The following UTS2R variants were observed in gnomAD, a reference collection of about 807,000 sequenced individuals.
The protein encoded by UTS2R is urotensin 2 receptor.
For missense variants in UTS2R, 653 were observed against 562.2 expected (o/e 1.16, Z -1.63); for synonymous variants, 335 against 280.9 (o/e 1.19, Z -1.93).
At position 82,375,055 on chromosome 17, in the gene UTS2R, C is replaced by A; in HGVS notation, c.731C>A (p.Ala244Asp). ...LARAYRRSQR[A>D]SFKRARRPGA... is the part of the protein sequence containing the mutation. The stretch of plus-strand genomic sequence containing the variant: ...CGCGCCTACCGCCGCTCGCAGCGCG[C>A]CTCCTTCAAGCGGGCCCGGCGGCCG... Residue 244 changes from alanine (A) to aspartate (D), a missense_variant, in exon 3 of 3, where the codon GCC becomes GAC. By Grantham distance (126) the Ala-to-Asp change is moderately radical. Coordinates refer to ENST00000313135, the MANE Select transcript of UTS2R (RefSeq NM_018949.3). The A allele has an allele frequency of 1.4e-6, 2 of 1,424,070 alleles. No individual in the cohort carries two copies. The highest frequency in any genetic ancestry group is 1.8e-6 in the Non-Finnish European group (2 of 1,094,470). 88.2% of individuals were successfully genotyped at this position (1,424,070 alleles called of 1,614,324 possible).
In UTS2R at chr17:82,375,329, CG is replaced by C. The variant is rs1567857705; in HGVS notation, c.1010del (p.Gly337GlufsTer115). 1 of 1,547,236 alleles carries C rather than the reference CG, an allele frequency of 6.5e-7. No individual in the cohort carries two copies. The highest frequency in any genetic ancestry group is 8.7e-7 in the Non-Finnish European group (1 of 1,148,498). On this transcript the variant is annotated frameshift_variant, in exon 3 of 3. Coordinates refer to ENST00000313135, the MANE Select transcript of UTS2R (RefSeq NM_018949.3). LOFTEE classifies it low-confidence loss of function (END_TRUNC). ...GCGGCCGCGTGCGGGGCCCGGGCAG[CG>C]GGGGAGGCCGGGGGCCCGTTCCCTC... The part of the protein sequence containing the change: ...LRGRVRGPGS[G>X]GGRGPVPSLQ...
rs199986646 is a variant in UTS2R, at chr17:82,375,259, C to A, written c.935C>A (p.Pro312His). 2.5e-6 allele frequency: 4 copies of A among 1,577,550 alleles called. No homozygotes were observed. The highest frequency in any genetic ancestry group is 1.7e-6 in the Non-Finnish European group (2 of 1,163,216). ...CLTYGNSCAN[P>H]FLYTLLTRNY... ...ACCTACGGCAACAGCTGCGCCAACC[C>A]CTTCCTCTACACGCTGCTCACCAGG... Residue 312 changes from proline to histidine, a missense_variant, in exon 3 of 3, where the codon CCC (proline) becomes CAC (histidine). Coordinates refer to ENST00000313135, the MANE Select transcript of UTS2R (RefSeq NM_018949.3).
intron 2 of UTS2R, 53 bp from the exon 3 acceptor site, chr17:82,374,190 C>T (rs1202577889): frequency 1.3e-5 from 9 of 698,886 alleles, no homozygotes; most frequent in Non-Finnish European, 2.1e-5. Flanking sequence ...GAGGCCATCA[C>T]AGTGGCCTCC....
intron 2 of UTS2R, among the ~76,000 whole-genome samples, 44 bp downstream of exon 2, chr17:82,372,827 G>A (rs755608718): frequency 6.6e-6 from 1 of 152,200 alleles, no homozygotes; most frequent in African/African-American, 2.4e-5. Flanking sequence ...AGGTATAGGC[G>A]GTCAACTCTG....
At position 82,374,837 on chromosome 17, in the gene UTS2R, G is replaced by A. The variant is rs917891197; in HGVS notation, c.513G>A (p.Leu171=). Residue 171 remains leucine, a synonymous_variant, in exon 3 of 3, where the codon CTG becomes CTA. Transcript: ENST00000313135. ...RPKGYRKLLA[L]GTWLLALLLT... ...AGGGCTACCGCAAGCTGCTGGCGCT[G>A]GGCACCTGGCTGCTGGCGCTGCTGC... 2 of 1,464,538 alleles carry A rather than the reference G, an allele frequency of 1.4e-6. No homozygotes were observed. Among genetic ancestry groups the A allele is most frequent in the African/African-American group, 2.8e-5 (2 of 72,318 alleles). 90.7% of individuals were successfully genotyped at this position (1,464,538 alleles called of 1,614,324 possible).
At position 82,374,307 on chromosome 17, in the gene UTS2R, C is replaced by T. The variant is rs1348304351; in HGVS notation, c.-18C>T. 19 of 1,533,224 alleles carry T rather than the reference C, an allele frequency of 1.2e-5. No individual in the cohort carries two copies. The highest frequency in any genetic ancestry group is 2.7e-5 in the African/African-American group (2 of 72,966). 95.0% of individuals were successfully genotyped at this position (1,533,224 alleles called of 1,614,324 possible). On this transcript the variant is annotated 5_prime_UTR_variant, in exon 3 of 3. Coordinates refer to ENST00000313135, the MANE Select transcript of UTS2R (RefSeq NM_018949.3). ...GGGAGTGTCCACCCAGCCCTGAGCC[C>T]GTCGTGAGGGGTCAGAGATGGCGCT... is the stretch of plus-strand genomic sequence containing the variant.
intron 2 of UTS2R, among the ~76,000 whole-genome samples, chr17:82,373,743 T>C (rs2052465533): frequency 6.6e-6 from 1 of 152,260 alleles, no homozygotes; most frequent in Admixed American, 6.5e-5. Flanking sequence ...TCTCCTTACA[T>C]GTTCTTCTAT....
Position 82,374,728 on chromosome 17 carries a change from A to T in UTS2R, c.404A>T (p.His135Leu), listed in dbSNP as rs1481281104. The change falls in exon 3 of 3, where the codon CAC becomes CTC. Residue 135 changes from histidine (H) to leucine (L), a missense_variant. Physicochemically the swap from His to Leu is moderately conservative, Grantham distance 99. Coordinates refer to ENST00000313135, the MANE Select transcript of UTS2R (RefSeq NM_018949.3). Reference protein sequence around the residue: ...VLFGLDFLTMHASIFTLTVMS... With the variant: ...VLFGLDFLTMLASIFTLTVMS... ...TTCGGCCTGGACTTCCTGACCATGC[A>T]CGCCAGCATCTTCACGCTGACCGTC... The T allele has an allele frequency of 1.2e-6, 2 of 1,612,530 alleles. No individual in the cohort carries two copies. Among genetic ancestry groups the T allele is most frequent in the Non-Finnish European group, 1.7e-6 (2 of 1,179,904 alleles).
Position 82,371,790 on chromosome 17 carries a change from T to A in UTS2R, c.-526T>A, listed in dbSNP as rs534558468. 7.0e-3 allele frequency among the ~76,000 whole-genome samples: 1,064 copies of A among 151,146 alleles called. 10 individuals carry two copies. The highest frequency in any genetic ancestry group is 0.025 in the African/African-American group (1,014 of 41,328). ...GCATTCCCAGCTGGCGGCGGGCAGGTGGCGGCGGCGCAGAGACCCGGCGCG... is the reference window on the plus strand; with the variant it reads ...GCATTCCCAGCTGGCGGCGGGCAGGAGGCGGCGGCGCAGAGACCCGGCGCG... On this transcript the variant is annotated 5_prime_UTR_variant, in exon 1 of 3. Transcript: ENST00000313135. The surrounding 1 kb of genome is among the most constrained non-coding windows in gnomAD (Gnocchi z 6.3).
rs566029775 is a variant in UTS2R, at chr17:82,371,983, C to A, written c.-333C>A. On this transcript the variant is annotated 5_prime_UTR_variant, in exon 1 of 3. Transcript: ENST00000313135. The surrounding 1 kb of genome is among the most constrained non-coding windows in gnomAD (Gnocchi z 6.3). ...TGCGCGAGGAGTTTGGAGCCGCGAG[C>A]GGCTGCCCCCACGCGCGACCCCAGG... 1.6e-3 allele frequency among the ~76,000 whole-genome samples: 242 copies of A among 152,108 alleles called. 2 individuals carry two copies. Among genetic ancestry groups the A allele is most frequent in the African/African-American group, 5.6e-3 (231 of 41,510 alleles).
Position 82,374,761 on chromosome 17 carries a change from G to C in UTS2R, c.437G>C (p.Ser146Thr). 2 of 1,608,992 alleles carry C rather than the reference G, an allele frequency of 1.2e-6. No homozygotes were observed. Among genetic ancestry groups the C allele is most frequent in the Non-Finnish European group, 1.7e-6 (2 of 1,179,472 alleles). ...ATCTTCACGCTGACCGTCATGAGCA[G>C]CGAGCGCTACGCTGCGGTGCTGCGG... ...ASIFTLTVMS[S>T]ERYAAVLRPL... Residue 146 changes from serine to threonine, a missense_variant, in exon 3 of 3, where the codon AGC (serine) becomes ACC (threonine). Physicochemically the swap from Ser to Thr is moderately conservative, Grantham distance 58. Coordinates refer to ENST00000313135, the MANE Select transcript of UTS2R (RefSeq NM_018949.3).
In UTS2R at chr17:82,375,317, G is replaced by A; in HGVS notation, c.993G>A (p.Arg331=). The A allele has an allele frequency of 6.5e-7, 1 of 1,546,234 alleles. No homozygotes were observed. Among genetic ancestry groups the A allele is most frequent in the Middle Eastern group, 1.7e-4 (1 of 5,876 alleles). The change falls in exon 3 of 3, where the codon CGG becomes CGA. Residue 331 remains arginine (R), a synonymous_variant. Coordinates refer to ENST00000313135, the MANE Select transcript of UTS2R (RefSeq NM_018949.3). ...NYRDHLRGRV[R]GPGSGGGRGP... ...GCGACCACCTGCGCGGCCGCGTGCGGGGCCCGGGCAGCGGGGGAGGCCGGG... is the reference window on the plus strand; with the variant it reads ...GCGACCACCTGCGCGGCCGCGTGCGAGGCCCGGGCAGCGGGGGAGGCCGGG...
At position 82,375,292 on chromosome 17, in the gene UTS2R, G is replaced by GCGACCA. The variant is rs779358804; in HGVS notation, c.970_975dup (p.Asp324_His325dup). 4 of 1,553,308 alleles carry GCGACCA rather than the reference G, an allele frequency of 2.6e-6. No homozygotes were observed. Among genetic ancestry groups the GCGACCA allele is most frequent in the East Asian group, 2.5e-5 (1 of 40,410 alleles). On this transcript the variant is annotated inframe_insertion, in exon 3 of 3. Transcript: ENST00000313135. ...TACACGCTGCTCACCAGGAACTACC[G>GCGACCA]CGACCACCTGCGCGGCCGCGTGCGG...
In UTS2R at chr17:82,375,463, C is replaced by T. The variant is rs35009516; in HGVS notation, c.1139C>T (p.Pro380Leu). 1 of 1,508,342 alleles carries T rather than the reference C, an allele frequency of 6.6e-7. No homozygotes were observed. The highest frequency in any genetic ancestry group is 1.2e-5 in the South Asian group (1 of 82,846). 93.4% of individuals were successfully genotyped at this position (1,508,342 alleles called of 1,614,324 possible). The change falls in exon 3 of 3, where the codon CCT (proline) becomes CTT (leucine). Residue 380 changes from proline (P) to leucine (L), a missense_variant. Pro to Leu is a moderately conservative substitution (Grantham distance 98). Coordinates refer to ENST00000313135, the MANE Select transcript of UTS2R (RefSeq NM_018949.3). ...CTGGCCCCAGCGGCCCCGGCCCGAC[C>T]TGCGCCCGAGGGTCCCAGGGCCCCG... is the stretch of plus-strand genomic sequence containing the variant. Reference protein sequence around the residue: ...LVLAPAAPARPAPEGPRAPA With the variant: ...LVLAPAAPARLAPEGPRAPA
At position 82,377,066 on chromosome 17, in the gene UTS2R, G is replaced by A. The variant is rs35163567; in HGVS notation, c.*1572G>A. Among the ~76,000 whole-genome samples the A allele has an allele frequency of 0.2, 30,832 of 152,104 alleles. 3,536 individuals are homozygous for A. The highest frequency in any genetic ancestry group is 0.26 in the Non-Finnish European group (17,838 of 67,936). ...AAGATTGAGAAATCGGATGGTTGCCGTGTCTGTGTAGAAAGAAGTAGACAT... is the reference window on the plus strand; with the variant it reads ...AAGATTGAGAAATCGGATGGTTGCCATGTCTGTGTAGAAAGAAGTAGACAT... On this transcript the variant is annotated 3_prime_UTR_variant, in exon 3 of 3. Transcript: ENST00000313135.
Position 82,377,331 on chromosome 17 carries a change from A to C in UTS2R, c.*1837A>C, listed in dbSNP as rs1035920944. Among the ~76,000 whole-genome samples the C allele has an allele frequency of 3.3e-5, 5 of 152,038 alleles. No homozygotes were observed. Among genetic ancestry groups the C allele is most frequent in the African/African-American group, 9.7e-5 (4 of 41,376 alleles). ...TACCCAGGGACACAAACACTGCGGA[A>C]GGCCGCAGGGTCCTCTGCCTAGGAA... On this transcript the variant is annotated 3_prime_UTR_variant, in exon 3 of 3. Transcript: ENST00000313135.
chr17:82,373,834 A>C (rs958648085), intron 2 of UTS2R, among the ~76,000 whole-genome samples: 1 of 152,246 alleles, frequency 6.6e-6, no homozygotes, highest in Admixed American at 6.5e-5. Context: ...AATAAATACG[A>C]GAAAGGACTC....
rs1420832310 is a variant in UTS2R, at chr17:82,376,640, CT to C, written c.*1147del. ...GAGGGGCAATGCTTGCAGCTCCCCC[CT>C]GGAGTTACGAAAGTGCTCTGGAACT... On this transcript the variant is annotated 3_prime_UTR_variant, in exon 3 of 3. Coordinates refer to ENST00000313135, the MANE Select transcript of UTS2R (RefSeq NM_018949.3). Among the ~76,000 whole-genome samples, 3 of 152,272 alleles carry C rather than the reference CT, an allele frequency of 2.0e-5. No homozygotes were observed. The highest frequency in any genetic ancestry group is 4.4e-5 in the Non-Finnish European group (3 of 68,046).
In UTS2R at chr17:82,374,939, G is replaced by A. The variant is rs1296919051; in HGVS notation, c.615G>A (p.Pro205=). Residue 205 remains proline (P), a synonymous_variant, in exon 3 of 3, where the codon CCG becomes CCA. Coordinates refer to ENST00000313135, the MANE Select transcript of UTS2R (RefSeq NM_018949.3). ...PKSLCLPAWG[P]RAHRAYLTLL... is the part of the protein sequence containing the mutation. The stretch of plus-strand genomic sequence containing the variant: ...GCCTGTGCCTGCCCGCCTGGGGCCC[G>A]CGCGCCCACCGCGCCTACCTGACGC... 3.6e-6 allele frequency: 4 copies of A among 1,101,668 alleles called. No homozygotes were observed. Among genetic ancestry groups the A allele is most frequent in the Non-Finnish European group, 5.2e-6 (4 of 763,652 alleles). 68.2% of individuals were successfully genotyped at this position (1,101,668 alleles called of 1,614,324 possible).
Sources: allele counts gnomAD v4.1 joint callset (sites outside exome capture counted in the v4.1 genomes callset), GRCh38; gene constraint gnomAD v4.1.1; non-coding constraint Gnocchi (gnomAD v3.1); transcripts MANE v1.5; gene names NCBI Gene and HGNC (gene_info 2026-07-23, HGNC 2026-07-21).